The following PIGK variants were observed in gnomAD, a reference collection of about 807,000 sequenced individuals.
PIGK encodes the protein GPI-anchor transamidase.
Under a neutral mutation model 50.6 loss-of-function variants are expected in PIGK, and 42 were observed. That is an observed-to-expected ratio of 0.83 (90% CI 0.65 to 1.07). The LOEUF (loss-of-function observed/expected upper bound fraction) is 1.07, where lower values mean the gene tolerates loss of function less well. PIGK is among the 50% of genes least tolerant of loss of function. The pLI, the probability that PIGK is intolerant of heterozygous loss-of-function variation, is 0.00. For missense variants in PIGK, 448 were observed against 488.7 expected, an observed-to-expected ratio of 0.92 and a Z score of 0.78; for synonymous variants, 151 against 156.0, an observed-to-expected ratio of 0.97 and a Z score of 0.24.
At chr1:77,103,506 C>A (rs1471474759) in intron 10 of PIGK, among the ~76,000 whole-genome samples, 2 of 152,162 alleles carry the variant, frequency 1.3e-5, no homozygotes, top group African/African-American at 2.4e-5. Context: ...GAAAGTCAGA[C>A]AAAAGGTAAT....
chr1:77,203,478 C>T (rs539329193), intron 3 of PIGK, among the ~76,000 whole-genome samples: 16 of 152,246 alleles, frequency 1.1e-4, no homozygotes, highest in African/African-American at 3.4e-4. Context: ...AGATAAGAAA[C>T]TGGTCATACT....
At chr1:77,198,833 C>T (rs983801893) in intron 3 of PIGK, among the ~76,000 whole-genome samples, 1 of 151,966 alleles carries the variant, frequency 6.6e-6, no homozygotes, top group African/African-American at 2.4e-5. Flanking sequence ...CACTGCAATG[C>T]CAATGAGAAT....
chr1:77,181,892 T>C (rs1313524405), intron 3 of PIGK, among the ~76,000 whole-genome samples: 1 of 152,232 alleles, frequency 6.6e-6, no homozygotes, highest in Non-Finnish European at 1.5e-5. Context: ...TTCAAGTTAA[T>C]AACTCTAGCC....
rs987587199 is a variant in PIGK at position 77,152,204 on chromosome 1, T to C, written c.986+2245A>G. ...AAACTCAGAAATAAATCCAAGCACT[T>C]ACAGCCAACTCATTTCCAACAAAGG... On this transcript the variant is annotated intron_variant, in intron 9 of 10. Transcript: ENST00000370812. Among the ~76,000 whole-genome samples, 9 of 152,166 alleles carry C rather than the reference T, an allele frequency of 5.9e-5. No individual in the cohort carries two copies. The East Asian group carries it at 1.3e-3, about 23-fold the overall frequency.
intron 3 of PIGK, among the ~76,000 whole-genome samples, chr1:77,189,687 A>C (rs1197476788): frequency 9.8e-6 from 1 of 101,720 alleles, no homozygotes; most frequent in African/African-American, 3.8e-5. Context: ...TGAGTTAACA[A>C]TAAACTCATA....
intron 9 of PIGK, among the ~76,000 whole-genome samples, chr1:77,134,913 C>A (rs1389427022): frequency 1.3e-5 from 2 of 151,814 alleles, no homozygotes; most frequent in Non-Finnish European, 2.9e-5. Flanking sequence ...TTTTCAAATT[C>A]CCAAATATAT....
intron 9 of PIGK, among the ~76,000 whole-genome samples, chr1:77,145,312 C>T (rs1654744156): frequency 6.6e-6 from 1 of 151,812 alleles, no homozygotes; most frequent in African/African-American, 2.4e-5. Context: ...TTGTCAATCT[C>T]TACCGAAAAA....
intron 10 of PIGK, among the ~76,000 whole-genome samples, chr1:77,098,936 G>T (rs1259368485): frequency 6.6e-6 from 1 of 152,032 alleles, no homozygotes; most frequent in Non-Finnish European, 1.5e-5. Flanking sequence ...ATGTTAATAA[G>T]GACAGTTAAC....
intron 3 of PIGK, among the ~76,000 whole-genome samples, chr1:77,194,230 G>C (rs1324081599): frequency 6.6e-6 from 1 of 152,158 alleles, no homozygotes; most frequent in East Asian, 1.9e-4. Flanking sequence ...CACTGCTGGT[G>C]GGAATATAAA....
At chr1:77,181,563 A>G (rs992338297) in intron 3 of PIGK, among the ~76,000 whole-genome samples, 3 of 152,158 alleles carry the variant, frequency 2.0e-5, no homozygotes, top group Admixed American at 6.6e-5. Context: ...AGCATTGTTT[A>G]GCTACTAGAG....
At chr1:77,124,739 C>T (rs1002572289) in intron 9 of PIGK, among the ~76,000 whole-genome samples, 5 of 151,928 alleles carry the variant, frequency 3.3e-5, no homozygotes, top group Non-Finnish European at 7.4e-5. Context: ...AAACAGTCTA[C>T]AGAATGGGAG....
At chr1:77,140,370 G>T (rs1302155059) in intron 9 of PIGK, among the ~76,000 whole-genome samples, 1 of 151,076 alleles carries the variant, frequency 6.6e-6, no homozygotes, top group African/African-American at 2.4e-5. Flanking sequence ...ACTTGCTCCG[G>T]TTCTCATTCC....
In PIGK at chr1:77,165,841, A is replaced by C. The variant is rs191539670; in HGVS notation, c.487+878T>G. ...TACCAATTCTGAAGGAGAAAGCAGA[A>C]ACTATTAATAATAACACTGGGACAA... On this transcript the variant is annotated intron_variant, in intron 5 of 10. Transcript: ENST00000370812. Among the ~76,000 whole-genome samples the C allele has an allele frequency of 1.2e-3, 178 of 152,282 alleles. 1 individual carries two copies. Among genetic ancestry groups the C allele is most frequent in the Non-Finnish European group, 3.5e-4 (24 of 68,012 alleles).
At chr1:77,207,250 G>C (rs1656311566) in intron 2 of PIGK, among the ~76,000 whole-genome samples, 1 of 152,132 alleles carries the variant, frequency 6.6e-6, no homozygotes, top group South Asian at 2.1e-4. Context: ...AAACCATTCA[G>C]CTTAAGAGAA....
rs180741668 is a variant in PIGK, at chr1:77,137,063, G to C, written c.987-14704C>G. Among the ~76,000 whole-genome samples, 20 of 152,222 alleles carry C rather than the reference G, an allele frequency of 1.3e-4. No homozygotes were observed. In the East Asian group the frequency reaches 3.1e-3, roughly 24 times the overall value. On this transcript the variant is annotated intron_variant, in intron 9 of 10. Coordinates refer to ENST00000370812, the MANE Select transcript of PIGK (RefSeq NM_005482.3). The stretch of plus-strand genomic sequence containing the variant: ...CAGCCCTTGAATTTTACTTGGATTT[G>C]TGATTCCTTCTGCACAATAGGATGC...
At chr1:77,159,775 T>C (rs1311321646) in intron 8 of PIGK, among the ~76,000 whole-genome samples, 2 of 152,236 alleles carry the variant, frequency 1.3e-5, no homozygotes, top group African/African-American at 4.8e-5. Flanking sequence ...CCAATGCCTG[T>C]ACCCCCATTG....
Position 77,209,469 on chromosome 1 carries a change from C to T in PIGK, c.147+967G>A, listed in dbSNP as rs568386149. Among the ~76,000 whole-genome samples the T allele has an allele frequency of 2.0e-4, 30 of 152,150 alleles. 1 individual carries two copies. In the South Asian group the frequency reaches 6.0e-3, roughly 30 times the overall value. ...AAACAAAATGTAATGTGTTGACCAG[C>T]AGTCAAAAAGTTAAGATAAAAATTA... On this transcript the variant is annotated intron_variant, in intron 2 of 10. Coordinates refer to ENST00000370812, the MANE Select transcript of PIGK (RefSeq NM_005482.3).
chr1:77,129,741 T>G (rs1654325505), intron 9 of PIGK: 1 of 905,978 alleles, frequency 1.1e-6, no homozygotes, highest in African/African-American at 1.7e-5. Context: ...AAATAAATAT[T>G]TACTATCTGG....
At chr1:77,168,085 G>A (rs1655273896) in intron 4 of PIGK, among the ~76,000 whole-genome samples, 1 of 151,768 alleles carries the variant, frequency 6.6e-6, no homozygotes, top group Non-Finnish European at 1.5e-5. Context: ...AATGCACTTT[G>A]TTGCTCAGAT....
Sources: allele counts gnomAD v4.1 joint callset (sites outside exome capture counted in the v4.1 genomes callset), GRCh38; gene constraint gnomAD v4.1.1; transcripts MANE v1.5; gene names NCBI Gene and HGNC (gene_info 2026-07-23, HGNC 2026-07-21).